REV1: variants seen among roughly 807,000 people sequenced by gnomAD.
The protein encoded by REV1 is REV1 DNA directed polymerase.
In REV1, 42 loss-of-function variants were observed where a neutral mutation model predicts 137.4. The ratio of observed to expected loss-of-function variants is 0.31; its 90% CI spans 0.24 to 0.40. The LOEUF is 0.40. Ranked by LOEUF, REV1 falls within the 10% of genes least tolerant of loss-of-function variation. The pLI, the probability that REV1 is intolerant of heterozygous loss-of-function variation, is 1.00. For synonymous variants in REV1, 524 were observed against 519.2 expected (o/e 1.01, Z -0.12); for missense variants, 1,282 against 1,490.1 (o/e 0.86, Z 2.30).
intron 11 of REV1, among the ~76,000 whole-genome samples, chr2:99,419,771 G>A (rs1216997393): frequency 6.6e-6 from 1 of 152,252 alleles, no homozygotes; most frequent in Admixed American, 6.5e-5. Context: ...AGGGCACCAA[G>A]CCCTGAGAAG....
At chr2:99,415,694 C>T (rs1677759624) in intron 12 of REV1, among the ~76,000 whole-genome samples, 1 of 152,314 alleles carries the variant, frequency 6.6e-6, no homozygotes, top group African/African-American at 2.4e-5. Context: ...CACTTGGCTA[C>T]GTAGCTACTG....
At chr2:99,412,476 A>T (rs960716512) in intron 13 of REV1, among the ~76,000 whole-genome samples, 8 of 151,964 alleles carry the variant, frequency 5.3e-5, no homozygotes, top group African/African-American at 1.5e-4. Flanking sequence ...TATAATCTCA[A>T]GTTCTCTAAT....
intron 8 of REV1, chr2:99,432,027 G>A (rs912095029): frequency 7.4e-5 from 36 of 489,722 alleles, no homozygotes; most frequent in Non-Finnish European, 9.5e-5. Flanking sequence ...TGAAGTTGTC[G>A]ATGGGATAGA....
At chr2:99,407,685 T>C (rs957339699) in intron 15 of REV1, among the ~76,000 whole-genome samples, 1 of 152,218 alleles carries the variant, frequency 6.6e-6, no homozygotes, top group Non-Finnish European at 1.5e-5. Context: ...AGTATGTTTC[T>C]GATTAAAAAG....
chr2:99,458,424 A>G, intron 3 of REV1, among the ~76,000 whole-genome samples: 1 of 152,264 alleles, frequency 6.6e-6, no homozygotes, highest in Non-Finnish European at 1.5e-5. Flanking sequence ...GGATAAAATG[A>G]AAACCACTGA....
Position 99,424,992 on chromosome 2 carries a change from G to C in REV1, c.1548-712C>G, listed in dbSNP as rs76687377. ...CATTCACCACAAAACTATAATTATG[G>C]AATTATACATAATTAGTAAAATTCT... On this transcript the variant is annotated intron_variant, in intron 9 of 22. Coordinates refer to ENST00000258428, the MANE Select transcript of REV1 (RefSeq NM_016316.4). 6.3e-4 allele frequency: 532 copies of C among 848,238 alleles called. 5 individuals are homozygous for C. In the African/African-American group the frequency reaches 9.0e-3, roughly 14 times the overall value. 52.5% of individuals were successfully genotyped at this position (848,238 alleles called of 1,614,324 possible).
At chr2:99,414,727 T>C (rs1313545715) in intron 12 of REV1, among the ~76,000 whole-genome samples, 2 of 152,224 alleles carry the variant, frequency 1.3e-5, no homozygotes, top group African/African-American at 4.8e-5. Context: ...CCTCCCACTA[T>C]TGCCTCACTT....
chr2:99,435,819 A>G lies in REV1; in HGVS notation c.1321+15T>C, dbSNP rs562954019. Reference sequence around the variant, plus strand: ...AATATATCAGTTTTCTTAAAACATAAGCAAGAATACAGACCTTTGAGATCT... The same window carrying G: ...AATATATCAGTTTTCTTAAAACATAGGCAAGAATACAGACCTTTGAGATCT... On this transcript the variant is annotated intron_variant, in intron 7 of 22. Coordinates refer to ENST00000258428, the MANE Select transcript of REV1 (RefSeq NM_016316.4). 1.6e-4 allele frequency: 214 copies of G among 1,311,978 alleles called. 3 individuals are homozygous for G. Among genetic ancestry groups the G allele is most frequent in the South Asian group, 9.8e-4 (74 of 75,822 alleles). The allele number at this position is 1,311,978 out of a possible 1,614,324, so 81.3% of individuals were successfully genotyped here. A position where few individuals can be genotyped will look rare whatever the true frequency, so the allele number is the denominator to read the frequency against.
chr2:99,477,409 A>G (rs1686101648), intron 1 of REV1, among the ~76,000 whole-genome samples: 1 of 152,232 alleles, frequency 6.6e-6, no homozygotes, highest in South Asian at 2.1e-4. Context: ...AAGCACACAG[A>G]GAACTGTGGA....
At chr2:99,460,345 G>A (rs1335046883) in intron 3 of REV1, among the ~76,000 whole-genome samples, 1 of 152,206 alleles carries the variant, frequency 6.6e-6, no homozygotes, top group African/African-American at 2.4e-5. Flanking sequence ...AAAGTGCTGG[G>A]ATTGCAGGCG....
In REV1 at chr2:99,439,285, T is replaced by C; in HGVS notation, c.529A>G (p.Thr177Ala). ...CCATTGACTTTGACTTCATTTTCCG[T>C]TTCAATCTTCTTAACGATGTGATTT... Reference protein sequence around the residue: ...RVNHIVKKIETENEVKVNGMN... With the variant: ...RVNHIVKKIEAENEVKVNGMN... Residue 177 changes from threonine to alanine, a missense_variant, in exon 6 of 23, where the codon ACG becomes GCG. Coordinates refer to ENST00000258428, the MANE Select transcript of REV1 (RefSeq NM_016316.4). 6.2e-7 allele frequency: 1 copy of C among 1,612,848 alleles called. No homozygotes were observed. The highest frequency in any genetic ancestry group is 8.5e-7 in the Non-Finnish European group (1 of 1,178,906).
intron 1 of REV1, among the ~76,000 whole-genome samples, chr2:99,466,313 G>A (rs542622706): frequency 3.4e-4 from 51 of 151,662 alleles, no homozygotes; most frequent in Non-Finnish European, 4.1e-4. Flanking sequence ...CACGATCTCG[G>A]CTCACAACCA....
intron 1 of REV1, among the ~76,000 whole-genome samples, chr2:99,486,768 T>A (rs1484117280): frequency 6.6e-6 from 1 of 152,198 alleles, no homozygotes; most frequent in Admixed American, 6.5e-5. Context: ...ATTCATTTAC[T>A]CAACAAGTTT....
chr2:99,465,851 T>C lies in REV1; in HGVS notation c.-10-866A>G, dbSNP rs527810732. Among the ~76,000 whole-genome samples, 6 of 152,344 alleles carry C rather than the reference T, an allele frequency of 3.9e-5. No individual in the cohort carries two copies. The East Asian group carries it at 7.7e-4, about 20-fold the overall frequency. On this transcript the variant is annotated intron_variant, in intron 1 of 22. Coordinates refer to ENST00000258428, the MANE Select transcript of REV1 (RefSeq NM_016316.4). ...TATCCACGTCAAATCAGCTCTGATA[T>C]GATCTATGAGAATTTTTTACTTAAC...
chr2:99,469,789 G>A (rs893823733), intron 1 of REV1, among the ~76,000 whole-genome samples: 6 of 152,128 alleles, frequency 3.9e-5, no homozygotes, highest in South Asian at 2.1e-4. Context: ...TTTTACTATA[G>A]TTATTGGTAG....
chr2:99,409,853 A>AC (rs36096966), intron 14 of REV1, among the ~76,000 whole-genome samples: 4,772 of 78,336 alleles, frequency 0.061, 477 homozygotes, highest in East Asian at 0.14. Context: ...AAAACAAACA[A>AC]CCCCCCCCCC....
In REV1 at chr2:99,406,456, T is replaced by C. The variant is rs777631792; in HGVS notation, c.2483A>G (p.Asn828Ser). The C allele has an allele frequency of 6.2e-7, 1 of 1,612,638 alleles. No individual in the cohort carries two copies. The highest frequency in any genetic ancestry group is 2.2e-5 in the East Asian group (1 of 44,852). Residue 828 changes from asparagine to serine, a missense_variant, in exon 16 of 23, where the codon AAT (asparagine) becomes AGT (serine). Physicochemically the swap from Asn to Ser is conservative, Grantham distance 46. Around this residue, in one of 7 missense-constraint regions of REV1, gnomAD observed 372 missense variants for 482.3 expected, o/e 0.77. Coordinates refer to ENST00000258428, the MANE Select transcript of REV1 (RefSeq NM_016316.4). ...GIHVNQLVPT[N>S]LNPSTCPSRP... ...ACTGGGACATGTGGAAGGGTTCAGA[T>C]TAGTTGGAACCAACTGATTCACGTG...
intron 11 of REV1, among the ~76,000 whole-genome samples, chr2:99,420,109 T>A (rs1048825183): frequency 2.6e-5 from 4 of 152,180 alleles, no homozygotes; most frequent in Non-Finnish European, 5.9e-5. Flanking sequence ...TGCCTGACAA[T>A]GGAATATAGA....
chr2:99,406,651 A>G, intron 15 of REV1, 161 bp from the exon 16 acceptor site: 1 of 507,052 alleles, frequency 2.0e-6, no homozygotes, highest in Non-Finnish European at 3.2e-6. Flanking sequence ...ATGACTTATT[A>G]CAAAAACAAT....
Sources: gnomAD v4.1 joint callset for allele counts (sites outside exome capture counted in the v4.1 genomes callset) on GRCh38, gnomAD v4.1.1 for gene constraint, gnomAD v4.1.1 regional missense constraint, MANE v1.5 for transcripts, NCBI Gene and HGNC (gene_info 2026-07-23, HGNC 2026-07-21) for gene names.